The following TSHZ1 variants were observed in gnomAD, a reference collection of about 807,000 sequenced individuals.
TSHZ1 encodes teashirt zinc finger homeobox 1.
TSHZ1 carries 12 observed loss-of-function variants against 67.1 expected under a neutral mutation model. That is an observed-to-expected ratio of 0.18 (90% confidence interval 0.11 to 0.29). The LOEUF (loss-of-function observed/expected upper bound fraction) is 0.29. Ranked by LOEUF, TSHZ1 falls within the 10% of genes least tolerant of loss-of-function variation. The pLI is 1.00. For synonymous variants in TSHZ1, 632 were observed against 622.4 expected (o/e 1.02, Z -0.23); for missense variants, 1,305 against 1,413.9 (o/e 0.92, Z 1.23).
At position 75,226,028 on chromosome 18, in the gene TSHZ1, C is replaced by G. The variant is rs77677919; in HGVS notation, c.40+14112C>G. On this transcript the variant is annotated intron_variant, in intron 1 of 1. Coordinates refer to ENST00000580243, the MANE Select transcript of TSHZ1 (RefSeq NM_001308210.2). ...GCTATCTCTAGGAAAATCCCCTTAG[C>G]AGGCATCAGATTCAAACGATGCAAC... is the stretch of plus-strand genomic sequence containing the variant. 2.2e-4 allele frequency among the ~76,000 whole-genome samples: 33 copies of G among 152,278 alleles called. 1 individual carries two copies. In the East Asian group the frequency reaches 4.8e-3, roughly 22 times the overall value.
chr18:75,262,263 C>G (rs2023439213), intron 1 of TSHZ1, among the ~76,000 whole-genome samples: 1 of 152,006 alleles, frequency 6.6e-6, no homozygotes, highest in South Asian at 2.1e-4. Flanking sequence ...TTTAGTGATA[C>G]TATAAAAAAT....
chr18:75,215,647 A>G (rs916398044), intron 1 of TSHZ1, among the ~76,000 whole-genome samples: 1 of 152,256 alleles, frequency 6.6e-6, no homozygotes, highest in Non-Finnish European at 1.5e-5. Flanking sequence ...CTGCAATATC[A>G]TTGCAAAATA....
intron 1 of TSHZ1, among the ~76,000 whole-genome samples, chr18:75,264,061 T>G (rs1397016602): frequency 2.6e-5 from 4 of 152,228 alleles, no homozygotes; most frequent in African/African-American, 9.6e-5. Flanking sequence ...TTATGTTTTT[T>G]CTCTTTGCTA....
intron 1 of TSHZ1, among the ~76,000 whole-genome samples, chr18:75,256,291 C>T (rs2023361097): frequency 1.3e-5 from 2 of 152,094 alleles, no homozygotes; most frequent in South Asian, 4.1e-4. Context: ...AGCAGGGGAG[C>T]TGTTCATTGT....
intron 1 of TSHZ1, among the ~76,000 whole-genome samples, chr18:75,215,660 A>T (rs1028103288): frequency 6.6e-6 from 1 of 152,222 alleles, no homozygotes; most frequent in Non-Finnish European, 1.5e-5. Context: ...GCAAAATATT[A>T]AATGATGTTG....
chr18:75,232,869 TG>T (rs911047659), intron 1 of TSHZ1, among the ~76,000 whole-genome samples: 49 of 152,216 alleles, frequency 3.2e-4, no homozygotes, highest in African/African-American at 1.2e-3. Flanking sequence ...TCACAATACT[TG>T]GGTGAGGAAA....
intron 1 of TSHZ1, among the ~76,000 whole-genome samples, chr18:75,245,678 T>A (rs1470716673): frequency 2.6e-5 from 4 of 152,210 alleles, no homozygotes; most frequent in African/African-American, 9.6e-5. Context: ...AAAATTTGCT[T>A]AGTCAAATGA....
chr18:75,239,543 C>G (rs2023126722), intron 1 of TSHZ1, among the ~76,000 whole-genome samples: 1 of 152,148 alleles, frequency 6.6e-6, no homozygotes. Flanking sequence ...CTCTGTCGTC[C>G]AGGCTGGAAT....
In TSHZ1 at chr18:75,287,972, C is replaced by G. The variant is rs1271291593; in HGVS notation, c.2565C>G (p.Ser855=). Residue 855 remains serine, a synonymous_variant, in exon 2 of 2, where the codon TCC becomes TCG. Coordinates refer to ENST00000580243, the MANE Select transcript of TSHZ1 (RefSeq NM_001308210.2). The surrounding 1 kb of genome is among the most constrained non-coding windows in gnomAD (Gnocchi z 5.0). ...KNLTGRLTPK[S]STPSTVSEKS... ...TCACAGGCCGCCTGACGCCCAAGTCCTCCACGCCCTCCACAGTTTCAGAGA... is the reference window on the plus strand; with the variant it reads ...TCACAGGCCGCCTGACGCCCAAGTCGTCCACGCCCTCCACAGTTTCAGAGA... The G allele has an allele frequency of 6.2e-7, 1 of 1,614,186 alleles. No homozygotes were observed. Among genetic ancestry groups the G allele is most frequent in the Non-Finnish European group, 8.5e-7 (1 of 1,180,040 alleles).
At chr18:75,274,072 G>A (rs117156455) in intron 1 of TSHZ1, among the ~76,000 whole-genome samples, 261 of 152,220 alleles carry the variant, frequency 1.7e-3, no homozygotes, top group Admixed American at 5.8e-3. Flanking sequence ...CGGTCTGTAG[G>A]GTGCTGTGCG....
At chr18:75,271,483 CCCAGGCACCCTGGGCCTGTGTCTT>C (rs1337784031) in intron 1 of TSHZ1, among the ~76,000 whole-genome samples, 1 of 152,118 alleles carries the variant, frequency 6.6e-6, no homozygotes, top group African/African-American at 2.4e-5. Flanking sequence ...CTCTGGGTGC[CCCAGGCACCCTGGGCCTGTGTCTT>C]CCTGAGCCCC....
chr18:75,237,396 C>A (rs1224081224), intron 1 of TSHZ1, among the ~76,000 whole-genome samples: 1 of 152,020 alleles, frequency 6.6e-6, no homozygotes, highest in East Asian at 1.9e-4. Context: ...GTGGTGCATG[C>A]CTGTAGTCCC....
chr18:75,219,209 T>G (rs1345018), intron 1 of TSHZ1, among the ~76,000 whole-genome samples: 8,498 of 152,214 alleles, frequency 0.056, 528 homozygotes, highest in African/African-American at 0.14. Context: ...GGTTGTAAAA[T>G]GTAAATATCA....
rs775858487 is a variant in TSHZ1 at position 75,287,577 on chromosome 18, A to G, written c.2170A>G (p.Thr724Ala). 1.9e-6 allele frequency: 3 copies of G among 1,614,220 alleles called. No homozygotes were observed. The highest frequency in any genetic ancestry group is 1.7e-5 in the Admixed American group (1 of 60,038). Residue 724 changes from threonine to alanine, a missense_variant, in exon 2 of 2, where the codon ACC becomes GCC. By Grantham distance (58) the Thr-to-Ala change is moderately conservative. Transcript: ENST00000580243. The surrounding 1 kb of genome is among the most constrained non-coding windows in gnomAD (Gnocchi z 5.0). ...CACAGAGCCTCTCAAAGCAAAGGTCACCAACGGCTGTAACAACCTGGGGAT... is the reference window on the plus strand; with the variant it reads ...CACAGAGCCTCTCAAAGCAAAGGTCGCCAACGGCTGTAACAACCTGGGGAT... Reference protein sequence around the residue: ...NGTEPLKAKVTNGCNNLGIIM... With the variant: ...NGTEPLKAKVANGCNNLGIIM...
chr18:75,237,583 T>G (rs981265312), intron 1 of TSHZ1, among the ~76,000 whole-genome samples: 1 of 152,138 alleles, frequency 6.6e-6, no homozygotes, highest in Admixed American at 6.6e-5. Context: ...TGTATACATA[T>G]ATACACACAG....
intron 1 of TSHZ1, among the ~76,000 whole-genome samples, chr18:75,275,373 C>T (rs2023603250): frequency 6.6e-6 from 1 of 152,088 alleles, no homozygotes; most frequent in South Asian, 2.1e-4. Flanking sequence ...GCGTGCAGTG[C>T]TGTGAAGGTA....
rs369450126 is a variant in TSHZ1, at chr18:75,287,528, G to A, written c.2121G>A (p.Pro707=). The A allele has an allele frequency of 2.7e-5, 44 of 1,614,094 alleles. No individual in the cohort carries two copies. In the East Asian group the frequency reaches 6.2e-4, roughly 23 times the overall value. The part of the protein sequence containing the change: ...AETGKAKKEG[P]LDVHTPNGTE... ...CTGGGAAGGCCAAAAAGGAGGGACC[G>A]CTGGACGTTCACACCCCAAATGGCA... The change falls in exon 2 of 2, where the codon CCG becomes CCA. Residue 707 remains proline, a synonymous_variant. Transcript: ENST00000580243. This position sits in a 1 kb window ranked among gnomAD's most constrained non-coding sequence, Gnocchi z 5.0.
At chr18:75,216,840 G>T (rs762981332) in intron 1 of TSHZ1, among the ~76,000 whole-genome samples, 1 of 152,108 alleles carries the variant, frequency 6.6e-6, no homozygotes, top group African/African-American at 2.4e-5. Context: ...GGTCAGGATG[G>T]TATTGGCTTG....
chr18:75,244,097 A>G (rs2023192229), intron 1 of TSHZ1, among the ~76,000 whole-genome samples: 2 of 152,304 alleles, frequency 1.3e-5, no homozygotes, highest in South Asian at 4.1e-4. Flanking sequence ...CGGAGCAGGA[A>G]GGAGCAAGTG....
Sources: gnomAD v4.1 joint callset for allele counts (sites outside exome capture counted in the v4.1 genomes callset) on GRCh38, gnomAD v4.1.1 for gene constraint, Gnocchi (gnomAD v3.1) non-coding constraint, MANE v1.5 for transcripts, NCBI Gene and HGNC (gene_info 2026-07-23, HGNC 2026-07-21) for gene names.